The following AFG2A variants were observed in gnomAD, a reference collection of about 807,000 sequenced individuals.
AFG2A encodes the protein AAA ATPase AFG2A, also known as ATPase family gene 2 protein homolog A.
the AFG2A span, among the ~76,000 whole-genome samples, chr4:123,213,390 A>G: frequency 6.6e-6 from 1 of 152,170 alleles, no homozygotes; most frequent in Non-Finnish European, 1.5e-5. Flanking sequence ...CAAAAATCTT[A>G]TAAGTTTAGA....
chr4:123,261,091 C>G, the AFG2A span, among the ~76,000 whole-genome samples: 1 of 152,158 alleles, frequency 6.6e-6, no homozygotes, highest in Non-Finnish European at 1.5e-5. Flanking sequence ...ACCATCCCCC[C>G]ACCCCATTTG....
At chr4:122,960,583 TTTCAACATG>T in the AFG2A span, among the ~76,000 whole-genome samples, 1 of 152,222 alleles carries the variant, frequency 6.6e-6, no homozygotes, top group Admixed American at 6.5e-5. Context: ...TTACACATCA[TTTCAACATG>T]TTCTTACCAA....
At chr4:122,935,860 ATAGAG>A in the AFG2A span, 41 of 1,592,066 alleles carry the variant, frequency 2.6e-5, no homozygotes, top group Non-Finnish European at 3.2e-5. Flanking sequence ...ACATGATTTA[ATAGAG>A]TAAACTTACT....
the AFG2A span, among the ~76,000 whole-genome samples, chr4:123,311,625 C>CAAAAAAAAAAAAAAAAAAAAAA: frequency 2.2e-5 from 2 of 92,234 alleles, no homozygotes; most frequent in Non-Finnish European, 4.2e-5. Flanking sequence ...GACTCTGTCT[C>CAAAAAAAAAAAAAAAAAAAAAA]AAAAAAAAAA....
the AFG2A span, among the ~76,000 whole-genome samples, chr4:123,125,763 C>CA: frequency 6.6e-6 from 1 of 152,110 alleles, no homozygotes; most frequent in Non-Finnish European, 1.5e-5. Flanking sequence ...AATATTTAAA[C>CA]AAAAATCTGA....
chr4:123,123,832 G>C, the AFG2A span, among the ~76,000 whole-genome samples: 1 of 150,694 alleles, frequency 6.6e-6, no homozygotes, highest in East Asian at 2.0e-4. Context: ...CGCGCCTGTA[G>C]TCCCAGCTAC....
chr4:123,076,095 C>T, the AFG2A span, among the ~76,000 whole-genome samples: 2 of 151,886 alleles, frequency 1.3e-5, no homozygotes, highest in African/African-American at 4.8e-5. Flanking sequence ...ACATAAGACT[C>T]CCATCTCTAT....
At chr4:123,004,134 G>C in the AFG2A span, among the ~76,000 whole-genome samples, 1 of 152,164 alleles carries the variant, frequency 6.6e-6, no homozygotes, top group African/African-American at 2.4e-5. Flanking sequence ...GTAATCTCCT[G>C]GTGCGCCGTT....
chr4:123,244,468 C>A, the AFG2A span, among the ~76,000 whole-genome samples: 2 of 152,186 alleles, frequency 1.3e-5, no homozygotes, highest in Non-Finnish European at 2.9e-5. Context: ...CATCACCACT[C>A]GGCGTCACCA....
the AFG2A span, among the ~76,000 whole-genome samples, chr4:123,143,193 G>A: frequency 0.67 from 95,285 of 142,560 alleles, 35,020 homozygotes; most frequent in East Asian, 0.97. Context: ...AAAAAAAAAA[G>A]AAAGATTATC....
chr4:122,945,059 C>T, the AFG2A span, among the ~76,000 whole-genome samples: 2 of 152,194 alleles, frequency 1.3e-5, no homozygotes, highest in African/African-American at 2.4e-5. Context: ...GGGGGTGCCT[C>T]CCAGTTAGGC....
At chr4:123,169,012 TG>T in the AFG2A span, among the ~76,000 whole-genome samples, 2 of 152,198 alleles carry the variant, frequency 1.3e-5, no homozygotes, top group Non-Finnish European at 2.9e-5. Context: ...AGTTGGTAAA[TG>T]TCTACTTAGA....
the AFG2A span, among the ~76,000 whole-genome samples, chr4:123,062,653 T>G: frequency 1.3e-5 from 2 of 152,180 alleles, no homozygotes; most frequent in Admixed American, 6.5e-5. Context: ...GGCTACTAAC[T>G]TATACAGCAT....
chr4:123,104,528 C>T, the AFG2A span, among the ~76,000 whole-genome samples: 1 of 152,142 alleles, frequency 6.6e-6, no homozygotes, highest in Non-Finnish European at 1.5e-5. Flanking sequence ...GATTAAGTTT[C>T]ATGAGAATGG....
the AFG2A span, among the ~76,000 whole-genome samples, chr4:123,002,065 T>C: frequency 6.6e-6 from 1 of 151,922 alleles, no homozygotes; most frequent in African/African-American, 2.4e-5. Flanking sequence ...GTAATGGCCT[T>C]CTTTGTCTCT....
chr4:122,976,555 T>C, the AFG2A span, among the ~76,000 whole-genome samples: 2 of 152,240 alleles, frequency 1.3e-5, no homozygotes, highest in Admixed American at 1.3e-4. Context: ...TGCTATTCAA[T>C]TGATGGGCTT....
the AFG2A span, among the ~76,000 whole-genome samples, chr4:122,984,382 A>G: frequency 6.6e-6 from 1 of 152,296 alleles, no homozygotes; most frequent in Admixed American, 6.5e-5. Flanking sequence ...TTTTCAAGGT[A>G]AATGATCATA....
At chr4:123,038,844 C>G in the AFG2A span, among the ~76,000 whole-genome samples, 1 of 152,018 alleles carries the variant, frequency 6.6e-6, no homozygotes, top group Non-Finnish European at 1.5e-5. Flanking sequence ...GAGGAAGAAG[C>G]ATTGTTTCAT....
At chr4:123,301,885 A>G in the AFG2A span, among the ~76,000 whole-genome samples, 1 of 152,188 alleles carries the variant, frequency 6.6e-6, no homozygotes, top group African/African-American at 2.4e-5. Context: ...ATTACAGATT[A>G]AGACTGGGTA....
Sources: gnomAD v4.1 joint callset for allele counts (sites outside exome capture counted in the v4.1 genomes callset) on GRCh38, gnomAD v4.1.1 for gene constraint, MANE v1.5 for transcripts, NCBI Gene and HGNC (gene_info 2026-07-23, HGNC 2026-07-21) for gene names.